The following NT5DC4 variants were observed in gnomAD, a reference collection of about 807,000 sequenced individuals.
NT5DC4 encodes 5'-nucleotidase domain-containing protein 4.
Under a neutral mutation model 26.6 loss-of-function variants are expected in NT5DC4, and 44 were observed. That is an observed-to-expected ratio of 1.65 (90% CI 1.30 to 2.13). The LOEUF (loss-of-function observed/expected upper bound fraction) is 2.13. Ranked by LOEUF, NT5DC4 falls within the 30% of genes most tolerant of loss-of-function variation. NT5DC4 has a pLI of 0.00. For synonymous variants in NT5DC4, 157 were observed against 86.7 expected, an observed-to-expected ratio of 1.81 and a Z score of -4.51; for missense variants, 399 against 228.1, an observed-to-expected ratio of 1.75 and a Z score of -4.83.
chr2:112,719,955 TTTC>T (rs1558715217), upstream of NT5DC4, among the ~76,000 whole-genome samples: 4 of 126,994 alleles, frequency 3.1e-5, no homozygotes, highest in African/African-American at 1.2e-4. Context: ...TCTTTCTTTC[TTTC>T]TTTCTTTCTT....
At chr2:112,719,926 C>CTTTCTTTCTTTCTTTT (rs1558714765), upstream of NT5DC4, among the ~76,000 whole-genome samples, 97 of 16,908 alleles carry the variant, frequency 5.7e-3, 2 homozygotes, top group African/African-American at 0.015. Context: ...CTTTCTTTCT[C>CTTTCTTTCTTTCTTTT]TTTCTTTCTT....
intron 14 of NT5DC4, 129 bp from the exon 15 acceptor site, chr2:112,726,549 C>A: frequency 1.4e-6 from 1 of 694,268 alleles, no homozygotes; most frequent in South Asian, 1.6e-5. Context: ...TGCACACACC[C>A]AGCCCGGCAC....
rs1350132499 is a variant in NT5DC4 at position 112,723,480 on chromosome 2, C to G, written c.672+12C>G. 2 of 717,066 alleles carry G rather than the reference C, an allele frequency of 2.8e-6. No individual in the cohort carries two copies. The highest frequency in any genetic ancestry group is 5.4e-5 in the East Asian group (2 of 37,274). 44.4% of individuals were successfully genotyped at this position (717,066 alleles called of 1,614,324 possible). A position where few individuals can be genotyped will look rare whatever the true frequency, so the allele number is the denominator to read the frequency against. On this transcript the variant is annotated intron_variant, in intron 8 of 16. Coordinates refer to ENST00000688554, the MANE Select transcript of NT5DC4 (RefSeq NM_001393655.1). Reference sequence around the variant, plus strand: ...ATGTGAAGAAGGATGTGAGTGGCCACAGACCCAGGGCCATGGCCATCACCC... The same window carrying G: ...ATGTGAAGAAGGATGTGAGTGGCCAGAGACCCAGGGCCATGGCCATCACCC...
Position 112,722,010 on chromosome 2 carries a change from C to T in NT5DC4, c.173C>T (p.Ala58Val). ...LAAYKSPAYEALTFELLLERL... is the reference protein window; with the variant it reads ...LAAYKSPAYEVLTFELLLERL... ...GCCTACAAGTCCCCAGCTTATGAGG[C>T]CCTGACCTTCGAGCTGCTGCTGGAG... Residue 58 changes from alanine (A) to valine (V), a missense_variant, in exon 3 of 17, where the codon GCC (alanine) becomes GTC (valine). Physicochemically the swap from Ala to Val is moderately conservative, Grantham distance 64. Transcript: ENST00000688554. 1.4e-6 allele frequency: 1 copy of T among 717,246 alleles called. No individual in the cohort carries two copies. The highest frequency in any genetic ancestry group is 1.5e-5 in the South Asian group (1 of 67,600). The allele number at this position is 717,246 out of a possible 1,614,324, so 44.4% of individuals were successfully genotyped here.
chr2:112,724,713 G>A (rs1317244652), intron 10 of NT5DC4, 68 bp from the exon 11 acceptor site: 1 of 699,986 alleles, frequency 1.4e-6, no homozygotes, highest in Non-Finnish European at 2.7e-6. Flanking sequence ...GGCTGTGGTG[G>A]GTGACTGGCT....
chr2:112,730,698 G>T (rs549719455), intron 16 of NT5DC4, among the ~76,000 whole-genome samples: 8 of 152,232 alleles, frequency 5.3e-5, no homozygotes, highest in Non-Finnish European at 1.0e-4. Context: ...TATCCCATAG[G>T]TCCCCTTTAG....
rs762367576 is a variant in NT5DC4 at position 112,724,145 on chromosome 2, C to A, written c.789+19C>A. The A allele has an allele frequency of 1.4e-6, 1 of 717,052 alleles. No individual in the cohort carries two copies. Among genetic ancestry groups the A allele is most frequent in the South Asian group, 1.5e-5 (1 of 67,600 alleles). The allele number at this position is 717,052 out of a possible 1,614,324, so 44.4% of individuals were successfully genotyped here. A position where few individuals can be genotyped will look rare whatever the true frequency, so the allele number is the denominator to read the frequency against. Reference sequence around the variant, plus strand: ...CAGTGAGGTGAGTGTTGGAGTGTTGCGTGCACGGCTGGGGTGGGCTGTGCA... The same window carrying A: ...CAGTGAGGTGAGTGTTGGAGTGTTGAGTGCACGGCTGGGGTGGGCTGTGCA... On this transcript the variant is annotated intron_variant, in intron 10 of 16. Coordinates refer to ENST00000688554, the MANE Select transcript of NT5DC4 (RefSeq NM_001393655.1).
At position 112,725,369 on chromosome 2, in the gene NT5DC4, C is replaced by A. The variant is rs1235817169; in HGVS notation, c.983-13C>A. The A allele has an allele frequency of 1.4e-6, 1 of 697,520 alleles. No homozygotes were observed. Among genetic ancestry groups the A allele is most frequent in the South Asian group, 1.5e-5 (1 of 66,708 alleles). The allele number at this position is 697,520 out of a possible 1,614,324, so 43.2% of individuals were successfully genotyped here. On this transcript the variant is annotated splice_polypyrimidine_tract_variant and intron_variant, in intron 12 of 16. Coordinates refer to ENST00000688554, the MANE Select transcript of NT5DC4 (RefSeq NM_001393655.1). ...AGGGCAAACGAGTGTCTGTCCTCCC[C>A]TTGGTGGGGCAGGCTCTTCGGACAT...
In NT5DC4 at chr2:112,726,612, A is replaced by T. The variant is rs1677753706; in HGVS notation, c.1206-66A>T. On this transcript the variant is annotated intron_variant, in intron 14 of 16. Transcript: ENST00000688554. Reference sequence around the variant, plus strand: ...CCCACCCGACCCCTGCTGGGGTCTAAGGAGACTGTCCTGGCACTCGGAGGC... The same window carrying T: ...CCCACCCGACCCCTGCTGGGGTCTATGGAGACTGTCCTGGCACTCGGAGGC... The T allele has an allele frequency of 1.4e-5, 10 of 717,122 alleles. No individual in the cohort carries two copies. In the South Asian group the frequency reaches 1.5e-4, roughly 11 times the overall value. The allele number at this position is 717,122 out of a possible 1,614,324, so 44.4% of individuals were successfully genotyped here. A position where few individuals can be genotyped will look rare whatever the true frequency, so the allele number is the denominator to read the frequency against.
In NT5DC4 at chr2:112,724,307, T is replaced by G. The variant is rs993868954; in HGVS notation, c.789+181T>G. The G allele has an allele frequency of 9.4e-6, 6 of 637,064 alleles. No homozygotes were observed. The East Asian group carries it at 1.1e-4, about 12-fold the overall frequency. 39.5% of individuals were successfully genotyped at this position (637,064 alleles called of 1,614,324 possible). ...CCCAGTGGGTAGGAGCCTGGTGACC[T>G]CAGCCAGGCCCTGGGAGGAGCCTTT... On this transcript the variant is annotated intron_variant, in intron 10 of 16. Coordinates refer to ENST00000688554, the MANE Select transcript of NT5DC4 (RefSeq NM_001393655.1).
chr2:112,725,793 C>T (rs1175362371), intron 13 of NT5DC4, among the ~76,000 whole-genome samples: 2 of 152,166 alleles, frequency 1.3e-5, no homozygotes, highest in Non-Finnish European at 2.9e-5. Flanking sequence ...TCTCCTGACC[C>T]AAGAATCCCG....
At chr2:112,737,026 A>T (rs1679297808) in intron 16 of NT5DC4, 1 of 152,020 alleles carries the variant, frequency 6.6e-6, no homozygotes, top group African/African-American at 2.4e-5. Flanking sequence ...TCCCGAGTTC[A>T]AGTGATTCTT....
rs551167032 is a variant in NT5DC4 at position 112,721,997 on chromosome 2, C to G, written c.160C>G (p.Pro54Ala). Residue 54 changes from proline to alanine, a missense_variant, in exon 3 of 17, where the codon CCA becomes GCA. Transcript: ENST00000688554. ...MDYTLAAYKS[P>A]AYEALTFELL... is the part of the protein sequence containing the mutation. ...CCGGGCCTCTGCAGCCTACAAGTCC[C>G]CAGCTTATGAGGCCCTGACCTTCGA... The G allele has an allele frequency of 1.4e-6, 1 of 717,294 alleles. No individual in the cohort carries two copies. Among genetic ancestry groups the G allele is most frequent in the Middle Eastern group, 2.3e-4 (1 of 4,370 alleles). 44.4% of individuals were successfully genotyped at this position (717,294 alleles called of 1,614,324 possible). A position where few individuals can be genotyped will look rare whatever the true frequency, so the allele number is the denominator to read the frequency against.
rs753777110 is a variant in NT5DC4, at chr2:112,729,514, G to A, written c.1267-113G>A. 42 of 669,172 alleles carry A rather than the reference G, an allele frequency of 6.3e-5. 1 individual carries two copies. The highest frequency in any genetic ancestry group is 9.7e-5 in the South Asian group (6 of 62,042). The allele number at this position is 669,172 out of a possible 1,614,324, so 41.5% of individuals were successfully genotyped here. A position where few individuals can be genotyped will look rare whatever the true frequency, so the allele number is the denominator to read the frequency against. On this transcript the variant is annotated intron_variant, in intron 15 of 16. Coordinates refer to ENST00000688554, the MANE Select transcript of NT5DC4 (RefSeq NM_001393655.1). ...AGGTTCCTTCCTCTGCAGCAACATC[G>A]TTGGGCAGGAAGTTGGCAGCTGTGG...
downstream of NT5DC4, chr2:112,742,330 G>A (rs181683209): frequency 2.1e-4 from 148 of 713,186 alleles, 1 homozygote; most frequent in African/African-American, 2.3e-3. Flanking sequence ...TTTTTAAAGC[G>A]TAACACAAAT....
upstream of NT5DC4, among the ~76,000 whole-genome samples, chr2:112,719,607 T>A (rs979363120): frequency 6.7e-6 from 1 of 148,656 alleles, no homozygotes; most frequent in Non-Finnish European, 1.5e-5. Context: ...CACCTCAGCC[T>A]CCTGAGTAGC....
Position 112,723,750 on chromosome 2 carries a change from A to G in NT5DC4, c.704A>G (p.Lys235Arg). 2 of 717,264 alleles carry G rather than the reference A, an allele frequency of 2.8e-6. No individual in the cohort carries two copies. The highest frequency in any genetic ancestry group is 5.2e-6 in the Non-Finnish European group (2 of 385,050). 44.4% of individuals were successfully genotyped at this position (717,264 alleles called of 1,614,324 possible). ...CTCCCCATCCTGCTGGGGAAGATGA[A>G]GGAGGTTGGGAAAGTGTTTCTGGCC... ...PRLPILLGKM[K>R]EVGKVFLATN... is the part of the protein sequence containing the mutation. The change falls in exon 9 of 17, where the codon AAG (lysine) becomes AGG (arginine). Residue 235 changes from lysine to arginine, a missense_variant. By Grantham distance (26) the Lys-to-Arg change is conservative. Transcript: ENST00000688554.
Position 112,739,054 on chromosome 2 carries a change from A to G in NT5DC4, c.*118A>G, listed in dbSNP as rs1679642999. On this transcript the variant is annotated 3_prime_UTR_variant, in exon 17 of 17. Transcript: ENST00000688554. The stretch of plus-strand genomic sequence containing the variant: ...CTTCCGGCATCCCATTTATTCTGAG[A>G]GACAGCAAGAGATGCATTAAAAACC... 3 of 1,600,314 alleles carry G rather than the reference A, an allele frequency of 1.9e-6. No individual in the cohort carries two copies. Among genetic ancestry groups the G allele is most frequent in the South Asian group, 2.2e-5 (2 of 90,160 alleles).
Position 112,726,240 on chromosome 2 carries a change from C to T in NT5DC4, c.1156C>T (p.Arg386Trp), listed in dbSNP as rs140213168. 1.3e-3 allele frequency: 952 copies of T among 716,550 alleles called. 7 individuals carry two copies. In the African/African-American group the frequency reaches 0.014, roughly 11 times the overall value. The allele number at this position is 716,550 out of a possible 1,614,324, so 44.4% of individuals were successfully genotyped here. A position where few individuals can be genotyped will look rare whatever the true frequency, so the allele number is the denominator to read the frequency against. ...ACTGACCCCTGGTGGCTTTTCAGAG[C>T]GGTTGGAGGAGCTGAAGAGACTGGA... The part of the protein sequence containing the change: ...ELDIWAQEKE[R>W]LEELKRLDTH... Residue 386 changes from arginine (R) to tryptophan (W), a missense_variant and splice_region_variant, in exon 14 of 17, where the codon CGG becomes TGG. Transcript: ENST00000688554.
Sources: allele counts gnomAD v4.1 joint callset (sites outside exome capture counted in the v4.1 genomes callset), GRCh38; gene constraint gnomAD v4.1.1; transcripts MANE v1.5; gene names NCBI Gene and HGNC (gene_info 2026-07-23, HGNC 2026-07-21).